LTBP1: variants seen among roughly 807,000 people sequenced by gnomAD.
The protein encoded by LTBP1 is latent transforming growth factor beta binding protein 1.
In LTBP1, 129 loss-of-function variants were observed where a neutral mutation model predicts 207.6. The observed-to-expected ratio is 0.62, with a 90% CI of 0.54 to 0.72. LTBP1 has a LOEUF of 0.72. LTBP1 is among the 30% of genes least tolerant of loss of function. The pLI, the probability that LTBP1 is intolerant of heterozygous loss-of-function variation, is 0.00. For missense variants in LTBP1, 2,281 were observed against 2,217.2 expected, an observed-to-expected ratio of 1.03 and a Z score of -0.58; for synonymous variants, 963 against 833.7, an observed-to-expected ratio of 1.16 and a Z score of -2.67.
chr2:33,275,993 C>G, intron 18 of LTBP1, 70 bp downstream of exon 18: 2 of 1,494,774 alleles, frequency 1.3e-6, no homozygotes, highest in South Asian at 2.7e-5. Context: ...TTGCCTGGTT[C>G]TTGTTTCCTT....
intron 5 of LTBP1, among the ~76,000 whole-genome samples, chr2:33,181,704 G>A (rs1453009989): frequency 2.0e-5 from 3 of 152,194 alleles, no homozygotes; most frequent in African/African-American, 7.2e-5. Context: ...TCACCTTCCT[G>A]TAATATTTTC....
At chr2:33,346,139 C>G (rs1462401413) in intron 25 of LTBP1, among the ~76,000 whole-genome samples, 1 of 152,142 alleles carries the variant, frequency 6.6e-6, no homozygotes, top group Non-Finnish European at 1.5e-5. Flanking sequence ...GAAAAGGTGT[C>G]ATGAGATCAG....
intron 3 of LTBP1, among the ~76,000 whole-genome samples, chr2:33,088,991 A>G (rs773284287): frequency 1.3e-5 from 2 of 151,804 alleles, no homozygotes; most frequent in South Asian, 4.2e-4. Flanking sequence ...CCCTGTGTCT[A>G]CTAAAAATAC....
At chr2:33,170,766 G>A (rs2085360470) in intron 5 of LTBP1, among the ~76,000 whole-genome samples, 1 of 152,082 alleles carries the variant, frequency 6.6e-6, no homozygotes, top group African/African-American at 2.4e-5. Context: ...CCCCCCAGTA[G>A]GGGCAGACTG....
At chr2:33,390,708 T>C (rs1336214522) in intron 32 of LTBP1, among the ~76,000 whole-genome samples, 1 of 152,018 alleles carries the variant, frequency 6.6e-6, no homozygotes, top group Non-Finnish European at 1.5e-5. Flanking sequence ...TCCAGGCTGG[T>C]CTCGAACTCC....
chr2:33,302,783 C>T (rs2094009677), intron 22 of LTBP1, among the ~76,000 whole-genome samples: 1 of 152,048 alleles, frequency 6.6e-6, no homozygotes, highest in Non-Finnish European at 1.5e-5. Flanking sequence ...CCTATTGAGG[C>T]CAGATGTGGT....
At chr2:33,259,918 A>G (rs533377289) in intron 13 of LTBP1, among the ~76,000 whole-genome samples, 10 of 152,310 alleles carry the variant, frequency 6.6e-5, no homozygotes, top group African/African-American at 9.6e-5. Flanking sequence ...ATAGAATTCA[A>G]TGTCACCTGA....
chr2:33,114,920 A>G (rs1479830005), intron 4 of LTBP1, among the ~76,000 whole-genome samples: 8 of 152,110 alleles, frequency 5.3e-5, no homozygotes, highest in Non-Finnish European at 5.9e-5. Context: ...TTGAAAACAT[A>G]TGTTTGCACA....
intron 32 of LTBP1, among the ~76,000 whole-genome samples, chr2:33,391,765 G>A (rs911886997): frequency 7.2e-4 from 109 of 151,302 alleles, no homozygotes; most frequent in Admixed American, 8.6e-4. Flanking sequence ...TCTGGCTTAT[G>A]TACCTTCTTT....
In LTBP1 at chr2:33,136,150, A is replaced by G. The variant is rs112044522; in HGVS notation, c.1201+1190A>G. On this transcript the variant is annotated intron_variant, in intron 5 of 33. Transcript: ENST00000404816. ...ACTTGGAAAAAATATGTGCCCATAGATACGATTTAAAAGGGCATTGTGAGT... is the reference window on the plus strand; with the variant it reads ...ACTTGGAAAAAATATGTGCCCATAGGTACGATTTAAAAGGGCATTGTGAGT... 1.9e-3 allele frequency among the ~76,000 whole-genome samples: 291 copies of G among 152,322 alleles called. 1 individual carries two copies. Among genetic ancestry groups the G allele is most frequent in the African/African-American group, 6.6e-3 (274 of 41,568 alleles).
chr2:33,232,128 C>T (rs2091824322), intron 9 of LTBP1, among the ~76,000 whole-genome samples: 1 of 152,014 alleles, frequency 6.6e-6, no homozygotes, highest in African/African-American at 2.4e-5. Context: ...CTGGCTCAAC[C>T]ATCCTAGGAG....
At chr2:33,291,574 G>A (rs201379344) in intron 19 of LTBP1, 2 of 152,194 alleles carry the variant, frequency 1.3e-5, no homozygotes, top group East Asian at 3.9e-4. Context: ...CCAAGGAAAG[G>A]GTGGTTAATG....
At chr2:33,019,686 C>G (rs1313396017) in intron 2 of LTBP1, among the ~76,000 whole-genome samples, 1 of 150,900 alleles carries the variant, frequency 6.6e-6, no homozygotes, top group Non-Finnish European at 1.5e-5. Flanking sequence ...CCTACTTACT[C>G]TACCAATGAC....
chr2:33,158,148 C>CAAAAAAAAAAAA (rs59789805), intron 5 of LTBP1, among the ~76,000 whole-genome samples: 2 of 113,928 alleles, frequency 1.8e-5, no homozygotes, highest in East Asian at 2.7e-4. Flanking sequence ...AAAAAAAAAA[C>CAAAAAAAAAAAA]AAAAAAAAAA....
intron 3 of LTBP1, among the ~76,000 whole-genome samples, chr2:33,086,693 T>C (rs2078772246): frequency 6.6e-6 from 1 of 152,154 alleles, no homozygotes. Context: ...CTTTAACTAT[T>C]TTTATCTTTA....
chr2:33,094,672 A>G (rs189513583), intron 3 of LTBP1, among the ~76,000 whole-genome samples: 1 of 152,334 alleles, frequency 6.6e-6, no homozygotes, highest in Non-Finnish European at 1.5e-5. Flanking sequence ...AGTACCACAT[A>G]ATAATGCTAT....
chr2:33,303,234 C>G (rs1415667421), intron 22 of LTBP1, among the ~76,000 whole-genome samples: 2 of 151,944 alleles, frequency 1.3e-5, no homozygotes, highest in Non-Finnish European at 2.9e-5. Flanking sequence ...TGGTCCCCAA[C>G]TTTTTTGGCA....
chr2:33,288,942 G>A (rs1440030243), intron 19 of LTBP1, among the ~76,000 whole-genome samples: 1 of 152,128 alleles, frequency 6.6e-6, no homozygotes, highest in Non-Finnish European at 1.5e-5. Flanking sequence ...ACAAAGAACT[G>A]TAGAATGCAT....
At chr2:32,968,115 T>A (rs1245681090) in intron 2 of LTBP1, among the ~76,000 whole-genome samples, 1 of 152,144 alleles carries the variant, frequency 6.6e-6, no homozygotes, top group African/African-American at 2.4e-5. Flanking sequence ...TACAGGTAGA[T>A]GCCACCATGC....
Sources: gnomAD v4.1 joint callset for allele counts (sites outside exome capture counted in the v4.1 genomes callset) on GRCh38, gnomAD v4.1.1 for gene constraint, MANE v1.5 for transcripts, NCBI Gene and HGNC (gene_info 2026-07-23, HGNC 2026-07-21) for gene names.